NTS: variants seen among roughly 807,000 people sequenced by gnomAD.
NTS encodes the protein neurotensin, also known as neurotensin/neuromedin N.
Under a neutral mutation model 19.5 loss-of-function variants are expected in NTS, and 20 were observed. The ratio of observed to expected loss-of-function variants is 1.02; its 90% CI spans 0.72 to 1.49. NTS has a LOEUF of 1.49. Among genes scored for constraint, NTS ranks in the 40% most tolerant of loss-of-function variants. The probability of loss-of-function intolerance (pLI) is 0.00; values close to 1 mark genes in which losing one functional copy is unlikely to be tolerated. For missense variants in NTS, 215 were observed against 193.1 expected (o/e 1.11, Z -0.67); for synonymous variants, 71 against 63.3 (o/e 1.12, Z -0.58).
At chr12:85,876,351 T>C (rs939045202) in intron 1 of NTS, among the ~76,000 whole-genome samples, 2 of 151,938 alleles carry the variant, frequency 1.3e-5, no homozygotes, top group Non-Finnish European at 2.9e-5. Flanking sequence ...TTATACAATG[T>C]AATCACATTT....
chr12:85,879,613 AT>A (rs1443449819), intron 3 of NTS, among the ~76,000 whole-genome samples: 3 of 113,080 alleles, frequency 2.7e-5, no homozygotes, highest in Non-Finnish European at 5.4e-5. Flanking sequence ...TATAAAATAT[AT>A]TTTTTGTATA....
At chr12:85,879,382 T>TTTATATATATATTTTATGTATA (rs1881434201) in intron 3 of NTS, among the ~76,000 whole-genome samples, 4 of 6 alleles carry the variant, frequency 0.67, 2 homozygotes, top group Non-Finnish European at 0.67. Context: ...ATAAAATATA[T>TTTATATATATATTTTATGTATA]TTTTATGTAT....
At chr12:85,874,934 G>A (rs1881305843) in intron 1 of NTS, among the ~76,000 whole-genome samples, 1 of 152,094 alleles carries the variant, frequency 6.6e-6, no homozygotes, top group Admixed American at 6.6e-5. Flanking sequence ...TTTCTTGTTT[G>A]TGTTAAGATA....
chr12:85,882,241 C>G lies in NTS; in HGVS notation c.379C>G (p.Leu127Val). 1 of 1,597,650 alleles carries G rather than the reference C, an allele frequency of 6.3e-7. No homozygotes were observed. ...CTTGCAGTTAATCCAGGAAGATATT[C>G]TTGATACTGGAAATGACAAAAATGG... ...QHWELIQEDILDTGNDKNGKE... is the reference protein window; with the variant it reads ...QHWELIQEDIVDTGNDKNGKE... The change falls in exon 4 of 4, where the codon CTT becomes GTT. Residue 127 changes from leucine to valine, a missense_variant. By Grantham distance (32) the Leu-to-Val change is conservative (BLOSUM62 1). Coordinates refer to ENST00000256010, the MANE Select transcript of NTS (RefSeq NM_006183.5).
At chr12:85,878,273 G>A in intron 2 of NTS, 72 bp from the exon 3 acceptor site, 2 of 1,079,056 alleles carry the variant, frequency 1.9e-6, no homozygotes, top group Non-Finnish European at 2.7e-6. Flanking sequence ...TGATGGTTTA[G>A]CACACTAGGA....
Position 85,876,654 on chromosome 12 carries a change from A to G in NTS, c.88A>G (p.Met30Val). Residue 30 changes from methionine (M) to valine (V), a missense_variant, in exon 2 of 4, where the codon ATG becomes GTG. Transcript: ENST00000256010. ...ATTTTACTCAGATTCAGAAGAGGAA[A>G]TGAAAGCATTAGAAGCAGATTTCTT... is the stretch of plus-strand genomic sequence containing the variant. ...WSLCSDSEEE[M>V]KALEADFLTN... The G allele has an allele frequency of 6.3e-7, 1 of 1,590,352 alleles. No individual in the cohort carries two copies. The highest frequency in any genetic ancestry group is 8.6e-7 in the Non-Finnish European group (1 of 1,165,200).
chr12:85,875,107 A>AT (rs1881310349), intron 1 of NTS, among the ~76,000 whole-genome samples: 1 of 152,178 alleles, frequency 6.6e-6, no homozygotes, highest in South Asian at 2.1e-4. Flanking sequence ...TTTCCATGCC[A>AT]TTTAAGTTAA....
Position 85,874,347 on chromosome 12 carries a change from A to G in NTS, c.-57A>G. The G allele has an allele frequency of 5.8e-6, 7 of 1,215,176 alleles. No homozygotes were observed. The highest frequency in any genetic ancestry group is 8.6e-6 in the Non-Finnish European group (7 of 816,378). The allele number at this position is 1,215,176 out of a possible 1,614,324, so 75.3% of individuals were successfully genotyped here. A position where few individuals can be genotyped will look rare whatever the true frequency, so the allele number is the denominator to read the frequency against. Reference sequence around the variant, plus strand: ...GAAGGAAAGAGGAAGTGCTAGAGAGAGCCCCCTTCAGTGTGCTTCTGACTT... The same window carrying G: ...GAAGGAAAGAGGAAGTGCTAGAGAGGGCCCCCTTCAGTGTGCTTCTGACTT... On this transcript the variant is annotated 5_prime_UTR_variant, in exon 1 of 4. Transcript: ENST00000256010.
rs573387108 is a variant in NTS at position 85,879,108 on chromosome 12, T to C, written c.360+539T>C. 2.5e-4 allele frequency among the ~76,000 whole-genome samples: 36 copies of C among 146,834 alleles called. 1 individual carries two copies. Among genetic ancestry groups the C allele is most frequent in the Non-Finnish European group, 3.6e-4 (24 of 66,198 alleles). On this transcript the variant is annotated intron_variant, in intron 3 of 3. Transcript: ENST00000256010. ...AATATATTTTTATGTATATTTTATG[T>C]ACGTAAAATATATTTTTATGTATAT...
In NTS at chr12:85,874,330, G is replaced by A. The variant is rs966313085; in HGVS notation, c.-74G>A. The A allele has an allele frequency of 3.0e-6, 3 of 1,016,792 alleles. No individual in the cohort carries two copies. Among genetic ancestry groups the A allele is most frequent in the Non-Finnish European group, 3.1e-6 (2 of 638,800 alleles). 63.0% of individuals were successfully genotyped at this position (1,016,792 alleles called of 1,614,324 possible). On this transcript the variant is annotated 5_prime_UTR_variant, in exon 1 of 4. Coordinates refer to ENST00000256010, the MANE Select transcript of NTS (RefSeq NM_006183.5). ...CACTTTCAAAGCCAGCTGAAGGAAA[G>A]AGGAAGTGCTAGAGAGAGCCCCCTT...
chr12:85,874,632 C>T (rs1881289982), intron 1 of NTS, among the ~76,000 whole-genome samples, 156 bp downstream of exon 1: 1 of 152,086 alleles, frequency 6.6e-6, no homozygotes, highest in Non-Finnish European at 1.5e-5. Flanking sequence ...TCTTTCTCTG[C>T]CTTTATGATT....
At chr12:85,877,135 G>A (rs940629330) in intron 2 of NTS, among the ~76,000 whole-genome samples, 2 of 152,068 alleles carry the variant, frequency 1.3e-5, no homozygotes, top group Admixed American at 1.3e-4. Flanking sequence ...AAGAAATGTA[G>A]TATAGAGGGG....
At chr12:85,876,894 A>G (rs1241780885) in intron 2 of NTS, among the ~76,000 whole-genome samples, 193 bp downstream of exon 2, 10 of 152,098 alleles carry the variant, frequency 6.6e-5, no homozygotes, top group Non-Finnish European at 1.5e-4. Flanking sequence ...CAAAGAAATT[A>G]TAATTCTATC....
At chr12:85,882,138 G>A (rs1881515897) in intron 3 of NTS, 85 bp from the exon 4 acceptor site, 2 of 1,075,294 alleles carry the variant, frequency 1.9e-6, no homozygotes, top group Non-Finnish European at 2.7e-6. Context: ...TGTCTTAACA[G>A]CAAATGAGAT....
intron 3 of NTS, among the ~76,000 whole-genome samples, chr12:85,881,083 A>G (rs569141780): frequency 1.3e-5 from 2 of 152,186 alleles, no homozygotes; most frequent in Non-Finnish European, 1.5e-5. Context: ...TCAAGTGCAA[A>G]TAAGATTAAA....
At chr12:85,881,158 CAAGT>C (rs1276146554) in intron 3 of NTS, among the ~76,000 whole-genome samples, 2 of 151,964 alleles carry the variant, frequency 1.3e-5, no homozygotes, top group Admixed American at 6.6e-5. Context: ...GAGCATAGTA[CAAGT>C]AATTACAGAC....
chr12:85,878,657 A>G (rs1881402209), intron 3 of NTS, 88 bp downstream of exon 3: 1 of 773,152 alleles, frequency 1.3e-6, no homozygotes, highest in Admixed American at 3.3e-5. Flanking sequence ...AATCATAATC[A>G]TAACAAGAAG....
At chr12:85,878,981 C>A (rs1463527887) in intron 3 of NTS, among the ~76,000 whole-genome samples, 2 of 149,934 alleles carry the variant, frequency 1.3e-5, no homozygotes, top group African/African-American at 4.9e-5. Context: ...CCAAGTAAAA[C>A]TGGAATAAAA....
rs1187068390 is a variant in NTS at position 85,879,353 on chromosome 12, TAAAAC to T, written c.360+786_360+790del. Among the ~76,000 whole-genome samples, 25 of 81,140 alleles carry T rather than the reference TAAAAC, an allele frequency of 3.1e-4. 12 individuals are homozygous for T. The highest frequency in any genetic ancestry group is 4.2e-4 in the Non-Finnish European group (19 of 45,174). 53.2% of individuals were successfully genotyped at this position (81,140 alleles called of 152,430 possible). ...ATATTTTATGTATATTTTATGTATA[TAAAAC>T]ATATTTTATGTATATAAAATATATT... On this transcript the variant is annotated intron_variant, in intron 3 of 3. Coordinates refer to ENST00000256010, the MANE Select transcript of NTS (RefSeq NM_006183.5).
Sources: gnomAD v4.1 joint callset for allele counts (sites outside exome capture counted in the v4.1 genomes callset) on GRCh38, gnomAD v4.1.1 for gene constraint, MANE v1.5 for transcripts, NCBI Gene and HGNC (gene_info 2026-07-23, HGNC 2026-07-21) for gene names.